Variants in ZC4H2 observed in about 807,000 individuals in gnomAD.
ZC4H2 encodes zinc finger C4H2-type containing.
For missense variants in ZC4H2, 137 were observed against 173.9 expected (o/e 0.79, Z 1.19); for synonymous variants, 84 against 66.3 (o/e 1.27, Z -1.30).
intron 1 of ZC4H2, among the ~76,000 whole-genome samples, chrX:64,961,226 T>G (rs1396957864): frequency 8.9e-6 from 1 of 111,766 alleles, no homozygotes; most frequent in Non-Finnish European, 1.9e-5. Context: ...AAATGACGGT[T>G]ATCTGTATTT....
At chrX:64,990,407 AG>A (rs1334650170) in intron 1 of ZC4H2, among the ~76,000 whole-genome samples, 2 of 110,841 alleles carry the variant, frequency 1.8e-5, no homozygotes, top group Non-Finnish European at 3.8e-5. Context: ...GGGCAATATG[AG>A]GGTTCCTTGT....
At chrX:64,965,699 G>A (rs757235090) in intron 1 of ZC4H2, among the ~76,000 whole-genome samples, 1 of 110,764 alleles carries the variant, frequency 9.0e-6, no homozygotes, top group Admixed American at 9.6e-5. Flanking sequence ...ACTTTGGGAA[G>A]CCATGGCGGG....
intron 1 of ZC4H2, among the ~76,000 whole-genome samples, chrX:64,961,343 T>C (rs753505112): frequency 6.3e-5 from 7 of 111,765 alleles, no homozygotes; most frequent in Admixed American, 9.5e-5. Context: ...TTCTGGAAGT[T>C]CACTAATCTT....
chrX:65,034,086 C>CAAA (rs768065058), intron 1 of ZC4H2, among the ~76,000 whole-genome samples: 1 of 45,183 alleles, frequency 2.2e-5, no homozygotes, highest in African/African-American at 6.3e-5. Context: ...AAGACTTTGT[C>CAAA]AAAAAAAAAA....
At chrX:65,019,619 G>C (rs779411145) in intron 1 of ZC4H2, among the ~76,000 whole-genome samples, 1 of 111,961 alleles carries the variant, frequency 8.9e-6, no homozygotes, top group Non-Finnish European at 1.9e-5. Flanking sequence ...AAATCAGAAC[G>C]CCTCTTCTCC....
chrX:64,987,906 C>T (rs1932223495), intron 1 of ZC4H2, among the ~76,000 whole-genome samples: 1 of 79,440 alleles, frequency 1.3e-5, no homozygotes, highest in Non-Finnish European at 2.4e-5. Context: ...CACAACAGGC[C>T]CCAGGGTGTG....
At chrX:64,999,068 T>TTTTTTTTTTTTTC in intron 1 of ZC4H2, among the ~76,000 whole-genome samples, 1 of 75,761 alleles carries the variant, frequency 1.3e-5, no homozygotes. Flanking sequence ...TTTTTTTTTT[T>TTTTTTTTTTTTTC]AATCTATTCT....
intron 1 of ZC4H2, among the ~76,000 whole-genome samples, chrX:64,970,172 C>T (rs777691886): frequency 2.3e-4 from 26 of 112,253 alleles, no homozygotes; most frequent in African/African-American, 7.8e-4. Flanking sequence ...TGCCTAAGTA[C>T]TAAGCATTCT....
At chrX:65,003,381 C>A (rs1414002721) in intron 1 of ZC4H2, among the ~76,000 whole-genome samples, 2 of 111,030 alleles carry the variant, frequency 1.8e-5, no homozygotes, top group Non-Finnish European at 3.8e-5. Context: ...ACTAGAAAAG[C>A]AAGAGCAAAC....
chrX:65,026,448 C>T (rs1011882750), intron 1 of ZC4H2, among the ~76,000 whole-genome samples: 3 of 111,450 alleles, frequency 2.7e-5, no homozygotes, highest in East Asian at 2.8e-4. Context: ...CGGTGGCTCA[C>T]GTATGTAATC....
chrX:64,921,483 C>A (rs1045819440), intron 2 of ZC4H2, among the ~76,000 whole-genome samples: 4 of 112,035 alleles, frequency 3.6e-5, no homozygotes, highest in African/African-American at 1.3e-4. Flanking sequence ...AGGCAGCTGC[C>A]TGCTCTGCTT....
chrX:64,919,426 A>G (rs1427084952), intron 3 of ZC4H2: 1 of 381,275 alleles, frequency 2.6e-6, no homozygotes. Context: ...AAGAAGACCA[A>G]GAAATCTTAG....
intron 1 of ZC4H2, among the ~76,000 whole-genome samples, chrX:64,992,769 C>T (rs1356126726): frequency 9.0e-6 from 1 of 111,379 alleles, no homozygotes; most frequent in Non-Finnish European, 1.9e-5. Flanking sequence ...TATCAAGGCT[C>T]GTCATTCTCC....
intron 1 of ZC4H2, among the ~76,000 whole-genome samples, chrX:64,994,972 C>T (rs934310339): frequency 2.7e-5 from 3 of 111,035 alleles, no homozygotes; most frequent in Non-Finnish European, 5.7e-5. Flanking sequence ...CAAAATCTTA[C>T]ATAACTGCTA....
At position 64,917,192 on chromosome X, in the gene ZC4H2, G is replaced by GAAGTGGA. The variant is rs749907244; in HGVS notation, c.*584_*590dup. On this transcript the variant is annotated 3_prime_UTR_variant, in exon 5 of 5. Coordinates refer to ENST00000374839, the MANE Select transcript of ZC4H2 (RefSeq NM_018684.4). ...AGAATTTTAGTATATGTGGGAGACA[G>GAAGTGGA]AAGTGGAGAAAGCTAAAGAATTACA... 8.0e-5 allele frequency: 9 copies of GAAGTGGA among 112,407 alleles called. No homozygotes were observed. The highest frequency in any genetic ancestry group is 2.9e-4 in the African/African-American group (9 of 30,859). The allele number at this position is 112,407 out of a possible 1,213,427, so 9.3% of individuals were successfully genotyped here. A position where few individuals can be genotyped will look rare whatever the true frequency, so the allele number is the denominator to read the frequency against.
intron 1 of ZC4H2, among the ~76,000 whole-genome samples, chrX:64,953,684 A>C (rs1315812802): frequency 8.9e-6 from 1 of 111,795 alleles, no homozygotes; most frequent in African/African-American, 3.3e-5. Context: ...GCTGGAGAGA[A>C]TGTGGAGAAA....
chrX:64,961,930 C>T (rs997871639), intron 1 of ZC4H2, among the ~76,000 whole-genome samples: 1 of 111,442 alleles, frequency 9.0e-6, no homozygotes, highest in South Asian at 3.7e-4. Flanking sequence ...TTAAAAACTT[C>T]CCAACAAAGA....
chrX:64,977,984 C>T (rs1360653955), upstream of ZC4H2, among the ~76,000 whole-genome samples: 1 of 111,268 alleles, frequency 9.0e-6, no homozygotes, highest in African/African-American at 3.3e-5. Context: ...ACAAACAGGC[C>T]TAGAGAGCTG....
chrX:64,949,821 G>T (rs1930708100), intron 1 of ZC4H2, among the ~76,000 whole-genome samples: 2 of 111,171 alleles, frequency 1.8e-5, no homozygotes, highest in Non-Finnish European at 3.8e-5. Flanking sequence ...CTGATTTTTT[G>T]AAGGGTTTTT....
Sources: allele counts gnomAD v4.1 joint callset (sites outside exome capture counted in the v4.1 genomes callset), GRCh38; gene constraint gnomAD v4.1.1; transcripts MANE v1.5; gene names NCBI Gene and HGNC (gene_info 2026-07-23, HGNC 2026-07-21).